The following ZDHHC20 variants were observed in gnomAD, a reference collection of about 807,000 sequenced individuals.
ZDHHC20 encodes palmitoyltransferase ZDHHC20.
In ZDHHC20, 43 loss-of-function variants were observed where a neutral mutation model predicts 57.8. The observed-to-expected ratio is 0.74, with a 90% CI of 0.58 to 0.96. The LOEUF (loss-of-function observed/expected upper bound fraction) is 0.96, where lower values mean the gene tolerates loss of function less well. ZDHHC20 is among the 40% of genes least tolerant of loss of function. ZDHHC20 has a pLI of 0.00. For missense variants in ZDHHC20, 391 were observed against 441.1 expected (o/e 0.89, Z 1.02); for synonymous variants, 157 against 153.0 (o/e 1.03, Z -0.19).
At chr13:21,379,695 C>A (rs1309732056) in intron 11 of ZDHHC20, among the ~76,000 whole-genome samples, 2 of 152,120 alleles carry the variant, frequency 1.3e-5, no homozygotes, top group Non-Finnish European at 2.9e-5. Context: ...ATATTTTAAA[C>A]CCAGGTCTGA....
Position 21,427,239 on chromosome 13 carries a change from G to A in ZDHHC20, c.119-1561C>T, listed in dbSNP as rs191370038. On this transcript the variant is annotated intron_variant, in intron 1 of 12. Coordinates refer to ENST00000400590, the MANE Select transcript of ZDHHC20 (RefSeq NM_001330059.2). ...CCTTGAAGTGTGGAATCATGTCTTA[G>A]AATAGTAACAACCCTGCAAGTTATC... 7.4e-4 allele frequency among the ~76,000 whole-genome samples: 112 copies of A among 152,136 alleles called. 1 individual carries two copies. The highest frequency in any genetic ancestry group is 2.6e-3 in the African/African-American group (109 of 41,480).
At chr13:21,377,155 C>T (rs973833959) in intron 12 of ZDHHC20, 1 of 185,200 alleles carries the variant, frequency 5.4e-6, no homozygotes, top group Non-Finnish European at 1.1e-5. Context: ...TTACAATCAC[C>T]GTATGCGGGA....
At chr13:21,393,707 A>G (rs865961465) in intron 7 of ZDHHC20, among the ~76,000 whole-genome samples, 1,522 of 146,508 alleles carry the variant, frequency 0.01, 9 homozygotes, top group Non-Finnish European at 0.016. Flanking sequence ...CACAAAAAAA[A>G]AAAAAAAAAA....
At chr13:21,456,278 C>T (rs998502265) in intron 1 of ZDHHC20, among the ~76,000 whole-genome samples, 12 of 152,012 alleles carry the variant, frequency 7.9e-5, no homozygotes, top group African/African-American at 2.7e-4. Flanking sequence ...GGCATGGTGG[C>T]GGGCACCTGT....
Position 21,421,172 on chromosome 13 carries a change from A to G in ZDHHC20, c.146-8T>C. 1 of 1,607,420 alleles carries G rather than the reference A, an allele frequency of 6.2e-7. No homozygotes were observed. Among genetic ancestry groups the G allele is most frequent in the South Asian group, 1.1e-5 (1 of 90,516 alleles). On this transcript the variant is annotated splice_region_variant and splice_polypyrimidine_tract_variant and intron_variant, in intron 2 of 12. Coordinates refer to ENST00000400590, the MANE Select transcript of ZDHHC20 (RefSeq NM_001330059.2). ...GGTAAACAACGGTCTTTCCTGGTAA[A>G]TAAAAACAAATAACAGTTCATTGAA...
Position 21,448,007 on chromosome 13 carries a change from G to A in ZDHHC20, c.118+11047C>T, listed in dbSNP as rs567806858. 6.8e-4 allele frequency among the ~76,000 whole-genome samples: 73 copies of A among 107,780 alleles called. 1 individual carries two copies. The highest frequency in any genetic ancestry group is 5.7e-3 in the Middle Eastern group (1 of 176). The allele number at this position is 107,780 out of a possible 152,430, so 70.7% of individuals were successfully genotyped here. A position where few individuals can be genotyped will look rare whatever the true frequency, so the allele number is the denominator to read the frequency against. On this transcript the variant is annotated intron_variant, in intron 1 of 12. Transcript: ENST00000400590. ...TGGGAGGTGAGGAGCGTCTCTGCCC[G>A]GCCGCCCCGTCTGAGAAGTGAGGAG...
At chr13:21,415,395 C>A (rs568575219) in intron 3 of ZDHHC20, among the ~76,000 whole-genome samples, 4 of 152,324 alleles carry the variant, frequency 2.6e-5, no homozygotes, top group South Asian at 4.1e-4. Flanking sequence ...CCTAGCTCAG[C>A]TTCCACAAGC....
chr13:21,450,580 GA>G (rs1452478455), intron 1 of ZDHHC20, among the ~76,000 whole-genome samples: 2 of 151,714 alleles, frequency 1.3e-5, no homozygotes, highest in Non-Finnish European at 2.9e-5. Context: ...GTAGTCATGA[GA>G]AAAAAAACTT....
intron 11 of ZDHHC20, among the ~76,000 whole-genome samples, chr13:21,380,037 G>A (rs1488877389): frequency 2.6e-5 from 4 of 151,482 alleles, no homozygotes; most frequent in African/African-American, 9.7e-5. Context: ...GGATGGTCTC[G>A]ATCTCGTGAC....
At chr13:21,398,229 T>C (rs1217768000) in intron 7 of ZDHHC20, among the ~76,000 whole-genome samples, 2 of 148,842 alleles carry the variant, frequency 1.3e-5, no homozygotes, top group South Asian at 2.1e-4. Context: ...CTTTGGGAGG[T>C]CGAGGCGGGC....
At chr13:21,386,211 G>A (rs1160859306) in intron 9 of ZDHHC20, among the ~76,000 whole-genome samples, 2 of 152,158 alleles carry the variant, frequency 1.3e-5, no homozygotes, top group Non-Finnish European at 2.9e-5. Context: ...AAAATGAACA[G>A]TGCATCAGTG....
At position 21,373,020 on chromosome 13, in the gene ZDHHC20, A is replaced by G. The variant is rs2137578252; in HGVS notation, c.*3676T>C. The G allele has an allele frequency of 6.6e-6, 1 of 152,224 alleles. No individual in the cohort carries two copies. Among genetic ancestry groups the G allele is most frequent in the South Asian group, 2.1e-4 (1 of 4,826 alleles). 9.4% of individuals were successfully genotyped at this position (152,224 alleles called of 1,614,324 possible). On this transcript the variant is annotated 3_prime_UTR_variant, in exon 13 of 13. Transcript: ENST00000400590. ...GAATCTATATTACATTTTTAATTTA[A>G]ATTGGAAAATACAGTTTAGATCATA...
chr13:21,405,096 G>T (rs1033256153), intron 4 of ZDHHC20, among the ~76,000 whole-genome samples: 2 of 152,078 alleles, frequency 1.3e-5, no homozygotes, highest in Admixed American at 1.3e-4. Context: ...TGTCATGGGT[G>T]AGATGTGTAG....
At chr13:21,436,708 T>C (rs7998550) in intron 1 of ZDHHC20, among the ~76,000 whole-genome samples, 1,787 of 152,306 alleles carry the variant, frequency 0.012, 44 homozygotes, top group African/African-American at 0.04. Flanking sequence ...ATCAAGCCAA[T>C]TAATAATCCT....
intron 1 of ZDHHC20, among the ~76,000 whole-genome samples, chr13:21,433,265 A>T (rs1194862471): frequency 6.6e-6 from 1 of 152,064 alleles, no homozygotes; most frequent in East Asian, 1.9e-4. Context: ...GACAGCTTGC[A>T]TGCCATTGTG....
In ZDHHC20 at chr13:21,455,659, T is replaced by C. The variant is rs1884862074; in HGVS notation, c.118+3395A>G. Among the ~76,000 whole-genome samples the C allele has an allele frequency of 2.0e-5, 3 of 148,268 alleles. No homozygotes were observed. The South Asian group carries it at 6.2e-4, about 31-fold the overall frequency. ...GTGTGTGTGTGTGTGTGTGTGTGTG[T>C]GTGTGTGTGTGTGTCTAATTACACA... On this transcript the variant is annotated intron_variant, in intron 1 of 12. Coordinates refer to ENST00000400590, the MANE Select transcript of ZDHHC20 (RefSeq NM_001330059.2).
At chr13:21,395,412 A>C (rs1203742824) in intron 7 of ZDHHC20, among the ~76,000 whole-genome samples, 3 of 151,128 alleles carry the variant, frequency 2.0e-5, no homozygotes, top group African/African-American at 7.3e-5. Context: ...GTAGTTGCAT[A>C]ATTTCTCCAA....
At chr13:21,455,931 G>A (rs1884889554) in intron 1 of ZDHHC20, among the ~76,000 whole-genome samples, 1 of 152,028 alleles carries the variant, frequency 6.6e-6, no homozygotes, top group Non-Finnish European at 1.5e-5. Context: ...TAACAGCATG[G>A]GCTTTGGAGC....
At chr13:21,455,429 AG>A (rs1328199597) in intron 1 of ZDHHC20, among the ~76,000 whole-genome samples, 2 of 152,204 alleles carry the variant, frequency 1.3e-5, no homozygotes, top group African/African-American at 4.8e-5. Flanking sequence ...ACCAAAGAGA[AG>A]AAGTTATTCA....
Sources: gnomAD v4.1 joint callset for allele counts (sites outside exome capture counted in the v4.1 genomes callset) on GRCh38, gnomAD v4.1.1 for gene constraint, MANE v1.5 for transcripts, NCBI Gene and HGNC (gene_info 2026-07-23, HGNC 2026-07-21) for gene names.